Variants in ZMAT4 observed in about 807,000 individuals in gnomAD.
The protein encoded by ZMAT4 is zinc finger matrin-type 4, also known as zinc finger matrin-type protein 4.
In ZMAT4, 17 loss-of-function variants were observed where a neutral mutation model predicts 28.7. That is an observed-to-expected ratio of 0.59 (90% CI 0.41 to 0.89). The LOEUF (loss-of-function observed/expected upper bound fraction) is 0.89, where lower values mean the gene tolerates loss of function less well. Among genes scored for constraint, ZMAT4 ranks in the 40% least tolerant of loss-of-function variants. The pLI is 0.00. For missense variants in ZMAT4, 240 were observed against 283.8 expected, an observed-to-expected ratio of 0.85 and a Z score of 1.11; for synonymous variants, 117 against 109.2, an observed-to-expected ratio of 1.07 and a Z score of -0.44.
At chr8:40,672,590 T>C (rs1208329947) in intron 5 of ZMAT4, among the ~76,000 whole-genome samples, 1 of 152,176 alleles carries the variant, frequency 6.6e-6, no homozygotes, top group African/African-American at 2.4e-5. Flanking sequence ...GACACCAAAG[T>C]CATTAAGATG....
chr8:40,765,185 A>C (rs1016161277), intron 3 of ZMAT4, among the ~76,000 whole-genome samples: 1 of 152,122 alleles, frequency 6.6e-6, no homozygotes, highest in Non-Finnish European at 1.5e-5. Flanking sequence ...TTCAATGCCC[A>C]AAAATAAGAC....
At chr8:40,798,906 A>AG (rs1281049122) in intron 2 of ZMAT4, among the ~76,000 whole-genome samples, 1 of 100,236 alleles carries the variant, frequency 1.0e-5, no homozygotes, top group Non-Finnish European at 2.1e-5. Flanking sequence ...AGCCATTGGA[A>AG]GGGGCTTTTT....
At chr8:40,582,479 G>C (rs1804523344) in intron 5 of ZMAT4, among the ~76,000 whole-genome samples, 1 of 151,798 alleles carries the variant, frequency 6.6e-6, no homozygotes, top group Non-Finnish European at 1.5e-5. Context: ...ACAGAGTGAG[G>C]CCTTGTCTCA....
intron 1 of ZMAT4, among the ~76,000 whole-genome samples, chr8:40,886,371 C>T (rs1295138764): frequency 6.6e-6 from 1 of 152,230 alleles, no homozygotes; most frequent in East Asian, 1.9e-4. Context: ...CCTTCCCTCG[C>T]TCCTCCAGGC....
intron 2 of ZMAT4, among the ~76,000 whole-genome samples, chr8:40,797,517 G>A (rs1484133698): frequency 6.6e-6 from 1 of 152,194 alleles, no homozygotes; most frequent in Non-Finnish European, 1.5e-5. Context: ...GTGAAGGGGA[G>A]GGGGAGTGAG....
chr8:40,759,773 AAT>A (rs1316834806), intron 3 of ZMAT4, among the ~76,000 whole-genome samples: 2 of 152,162 alleles, frequency 1.3e-5, no homozygotes, highest in Admixed American at 1.3e-4. Flanking sequence ...GGAAAACAGG[AAT>A]AGTTTCTTTT....
At chr8:40,675,992 C>T in intron 4 of ZMAT4, among the ~76,000 whole-genome samples, 1 of 151,964 alleles carries the variant, frequency 6.6e-6, no homozygotes, top group East Asian at 1.9e-4. Context: ...AACAAACAAA[C>T]AAAAAAGAGC....
chr8:40,696,883 T>C (rs1809912338), intron 4 of ZMAT4: 1 of 167,244 alleles, frequency 6.0e-6, no homozygotes, highest in African/African-American at 2.4e-5. Context: ...CTATTACACA[T>C]GACACAGCAT....
At chr8:40,795,418 CAT>C (rs1814553348) in intron 2 of ZMAT4, among the ~76,000 whole-genome samples, 2 of 152,316 alleles carry the variant, frequency 1.3e-5, no homozygotes, top group East Asian at 3.9e-4. Context: ...ATCACCAGAC[CAT>C]GAGACTGTTT....
chr8:40,612,880 T>A (rs547390387), intron 5 of ZMAT4, among the ~76,000 whole-genome samples: 1 of 150,642 alleles, frequency 6.6e-6, no homozygotes, highest in South Asian at 2.1e-4. Flanking sequence ...TGACGTGATC[T>A]TGGCTCACTG....
intron 4 of ZMAT4, among the ~76,000 whole-genome samples, chr8:40,676,844 G>T (rs1808931800): frequency 6.6e-6 from 1 of 152,006 alleles, no homozygotes; most frequent in Non-Finnish European, 1.5e-5. Context: ...GCTCAAATGT[G>T]GGCCATTCCA....
At chr8:40,820,853 ATG>A (rs1491506371) in intron 2 of ZMAT4, among the ~76,000 whole-genome samples, 4 of 4,090 alleles carry the variant, frequency 9.8e-4, no homozygotes, top group African/African-American at 2.8e-3. Context: ...GTGTATGTTT[ATG>A]TGTGTTTGTG....
intron 5 of ZMAT4, among the ~76,000 whole-genome samples, chr8:40,674,115 G>C (rs1239168693): frequency 8.8e-6 from 1 of 113,944 alleles, no homozygotes; most frequent in Admixed American, 1.2e-4. Flanking sequence ...AAATTTTTGA[G>C]ACAGAGTCTC....
chr8:40,719,608 C>A (rs990826429), intron 3 of ZMAT4, among the ~76,000 whole-genome samples: 3 of 151,938 alleles, frequency 2.0e-5, no homozygotes, highest in African/African-American at 7.2e-5. Context: ...GAGACGGAGT[C>A]ACCCAGGCTG....
chr8:40,716,943 T>G (rs1287436190), intron 3 of ZMAT4, among the ~76,000 whole-genome samples: 2 of 152,198 alleles, frequency 1.3e-5, no homozygotes, highest in Admixed American at 1.3e-4. Flanking sequence ...TCCTGTTCCC[T>G]GGACGCTAGC....
chr8:40,627,215 G>A (rs189629523), intron 5 of ZMAT4, among the ~76,000 whole-genome samples: 7 of 152,148 alleles, frequency 4.6e-5, no homozygotes, highest in African/African-American at 1.7e-4. Context: ...ATGTTGCTGT[G>A]GAATGTTCTA....
At chr8:40,812,935 A>AAAATTAAATTAAATTAAATT in intron 2 of ZMAT4, among the ~76,000 whole-genome samples, 1 of 78,040 alleles carries the variant, frequency 1.3e-5, no homozygotes, top group African/African-American at 4.1e-5. Context: ...CTCCATCTCA[A>AAAATTAAATTAAATTAAATT]AAATTAAATT....
chr8:40,724,232 T>G (rs1811229054), intron 3 of ZMAT4, among the ~76,000 whole-genome samples: 1 of 152,048 alleles, frequency 6.6e-6, no homozygotes. Flanking sequence ...GGACTTTACT[T>G]GGTAATAAAA....
intron 5 of ZMAT4, among the ~76,000 whole-genome samples, chr8:40,592,262 A>G (rs1270678019): frequency 1.3e-5 from 2 of 152,212 alleles, no homozygotes; most frequent in African/African-American, 4.8e-5. Flanking sequence ...GGCGCATCCA[A>G]TCTTACACTT....
Sources: gnomAD v4.1 joint callset for allele counts (sites outside exome capture counted in the v4.1 genomes callset) on GRCh38, gnomAD v4.1.1 for gene constraint, MANE v1.5 for transcripts, NCBI Gene and HGNC (gene_info 2026-07-23, HGNC 2026-07-21) for gene names.